The following EXT1 variants were observed in gnomAD, a reference collection of about 807,000 sequenced individuals.
EXT1 encodes exostosin glycosyltransferase 1.
EXT1 carries 20 observed loss-of-function variants against 82.5 expected under a neutral mutation model. The ratio of observed to expected loss-of-function variants is 0.24; its 90% confidence interval spans 0.17 to 0.35. The LOEUF is 0.35. Ranked by LOEUF, EXT1 falls within the 10% of genes least tolerant of loss-of-function variation. The pLI, the probability that EXT1 is intolerant of heterozygous loss-of-function variation, is 1.00. For synonymous variants in EXT1, 348 were observed against 350.8 expected, an observed-to-expected ratio of 0.99 and a Z score of 0.09; for missense variants, 757 against 936.5, an observed-to-expected ratio of 0.81 and a Z score of 2.50.
intron 1 of EXT1, among the ~76,000 whole-genome samples, chr8:117,875,776 T>C (rs1313268943): frequency 7.2e-5 from 11 of 152,080 alleles, no homozygotes; most frequent in African/African-American, 7.2e-5. Flanking sequence ...TGAAAAAACA[T>C]AGATCAGGCC....
chr8:118,049,477 T>C (rs866137204), intron 1 of EXT1, among the ~76,000 whole-genome samples: 7 of 152,132 alleles, frequency 4.6e-5, no homozygotes, highest in Non-Finnish European at 7.4e-5. Context: ...AGGTGGCTAA[T>C]AACACATGGA....
intron 1 of EXT1, among the ~76,000 whole-genome samples, chr8:118,021,681 T>C (rs553279989): frequency 6.6e-6 from 1 of 152,298 alleles, no homozygotes; most frequent in African/African-American, 2.4e-5. Flanking sequence ...GTTAGGGATA[T>C]TGTCTGAATG....
intron 1 of EXT1, among the ~76,000 whole-genome samples, chr8:117,866,620 C>A (rs992902542): frequency 1.3e-5 from 2 of 152,248 alleles, no homozygotes; most frequent in East Asian, 3.9e-4. Context: ...ATCAAAGTTA[C>A]GGAAACCTAG....
At chr8:117,991,295 T>C (rs1246595866) in intron 1 of EXT1, among the ~76,000 whole-genome samples, 9 of 151,976 alleles carry the variant, frequency 5.9e-5, no homozygotes, top group Admixed American at 5.9e-4. Flanking sequence ...ATTTGTGAAA[T>C]GCCATATAAA....
rs1006831019 is a variant in EXT1 at position 118,028,631 on chromosome 8, T to TA, written c.962+81453dup. 6.6e-5 allele frequency among the ~76,000 whole-genome samples: 10 copies of TA among 150,632 alleles called. No homozygotes were observed. The East Asian group carries it at 7.7e-4, about 12-fold the overall frequency. On this transcript the variant is annotated intron_variant, in intron 1 of 10. Coordinates refer to ENST00000378204, the MANE Select transcript of EXT1 (RefSeq NM_000127.3). ...CAATTATAAAAAGGAAAAAATAAAA[T>TA]AAAAAAAAAGTAAGCCAGCCGGGCG...
chr8:117,982,696 A>G (rs1377539604), intron 1 of EXT1, among the ~76,000 whole-genome samples: 1 of 152,090 alleles, frequency 6.6e-6, no homozygotes, highest in Non-Finnish European at 1.5e-5. Flanking sequence ...GGGTTTCACC[A>G]TGTTGGCCAG....
At position 118,028,700 on chromosome 8, in the gene EXT1, C is replaced by T. The variant is rs181332406; in HGVS notation, c.962+81385G>A. 7.2e-4 allele frequency among the ~76,000 whole-genome samples: 109 copies of T among 151,910 alleles called. No homozygotes were observed. The Middle Eastern group carries it at 0.014, about 19-fold the overall frequency. ...ATCCCAGCACTTTGGGAGGCTGAGG[C>T]GGAAGGAGCACCTGATGTCAGGAGT... On this transcript the variant is annotated intron_variant, in intron 1 of 10. Transcript: ENST00000378204.
intron 1 of EXT1, among the ~76,000 whole-genome samples, chr8:117,946,967 G>A (rs1814401689): frequency 6.6e-6 from 1 of 152,136 alleles, no homozygotes; most frequent in South Asian, 2.1e-4. Context: ...TATTTATGGG[G>A]CGGATTTTTG....
intron 1 of EXT1, among the ~76,000 whole-genome samples, chr8:117,952,767 G>A (rs1814515363): frequency 2.6e-5 from 4 of 151,314 alleles, no homozygotes; most frequent in African/African-American, 9.7e-5. Flanking sequence ...AAAAAAAAAA[G>A]TGGATGAGAA....
chr8:117,960,264 T>C (rs1394286276), intron 1 of EXT1, among the ~76,000 whole-genome samples: 1 of 152,166 alleles, frequency 6.6e-6, no homozygotes, highest in East Asian at 1.9e-4. Flanking sequence ...CAATAAAATA[T>C]ACAAAGTTGT....
At chr8:117,974,390 T>C (rs993138937) in intron 1 of EXT1, among the ~76,000 whole-genome samples, 3 of 152,132 alleles carry the variant, frequency 2.0e-5, no homozygotes, top group Non-Finnish European at 4.4e-5. Context: ...CCTCCATGCT[T>C]CCTCATCTGC....
chr8:117,830,497 T>C lies in EXT1; in HGVS notation c.1165-148A>G. On this transcript the variant is annotated intron_variant, in intron 3 of 10. Transcript: ENST00000378204. ...TACTAAAAATCATCAATTCCTAAGTTGAAATGACCTTAAGAAGTGTCAGCT... is the reference window on the plus strand; with the variant it reads ...TACTAAAAATCATCAATTCCTAAGTCGAAATGACCTTAAGAAGTGTCAGCT... The C allele has an allele frequency of 3.6e-6, 3 of 844,624 alleles. No individual in the cohort carries two copies. In the East Asian group the frequency reaches 8.0e-5, roughly 22 times the overall value. The allele number at this position is 844,624 out of a possible 1,614,324, so 52.3% of individuals were successfully genotyped here. A position where few individuals can be genotyped will look rare whatever the true frequency, so the allele number is the denominator to read the frequency against.
At chr8:118,011,985 C>CCAG (rs1309077706) in intron 1 of EXT1, among the ~76,000 whole-genome samples, 5 of 152,100 alleles carry the variant, frequency 3.3e-5, no homozygotes, top group Non-Finnish European at 7.4e-5. Flanking sequence ...GAAGGGGCTC[C>CCAG]CAGCAGCAGC....
chr8:117,992,478 GAT>G (rs1341039265), intron 1 of EXT1, among the ~76,000 whole-genome samples: 1 of 148,526 alleles, frequency 6.7e-6, no homozygotes, highest in Non-Finnish European at 1.5e-5. Context: ...CAAGCAGATG[GAT>G]ATAGGATACG....
chr8:118,067,264 C>T (rs1817007304), intron 1 of EXT1, among the ~76,000 whole-genome samples: 1 of 152,230 alleles, frequency 6.6e-6, no homozygotes, highest in South Asian at 2.1e-4. Flanking sequence ...AGACGTCTTC[C>T]TCCTGGAGTA....
chr8:118,091,972 G>T (rs1230602583), intron 1 of EXT1, among the ~76,000 whole-genome samples: 1 of 152,140 alleles, frequency 6.6e-6, no homozygotes, highest in African/African-American at 2.4e-5. Context: ...TCAGCACTGG[G>T]TTAAGTGCTG....
intron 1 of EXT1, among the ~76,000 whole-genome samples, chr8:117,937,537 A>G (rs1198886584): frequency 6.6e-6 from 1 of 152,254 alleles, no homozygotes; most frequent in African/African-American, 2.4e-5. Context: ...TGCTGCCTGA[A>G]TATAGTTGTC....
Position 117,822,521 on chromosome 8 carries a change from A to T in EXT1, c.1361T>A (p.Val454Glu). 1.2e-6 allele frequency: 2 copies of T among 1,613,478 alleles called. No individual in the cohort carries two copies. The change falls in exon 5 of 11, where the codon GTA becomes GAA. Residue 454 changes from valine to glutamate, a missense_variant. By Grantham distance (121) the Val-to-Glu change is moderately radical (BLOSUM62 -2). Around this residue, in one of 4 missense-constraint regions of EXT1, gnomAD observed 207 missense variants for 224.2 expected, o/e 0.92. Coordinates refer to ENST00000378204, the MANE Select transcript of EXT1 (RefSeq NM_000127.3). Reference sequence around the variant, plus strand: ...CAGATAAGATGAATACTGTGGTAGTACGAACAATCCTCCAGGATGTTTGTT... The same window carrying T: ...CAGATAAGATGAATACTGTGGTAGTTCGAACAATCCTCCAGGATGTTTGTT... Reference protein sequence around the residue: ...IWNKHPGGLFVLPQYSSYLGD... With the variant: ...IWNKHPGGLFELPQYSSYLGD...
intron 1 of EXT1, among the ~76,000 whole-genome samples, chr8:117,950,768 G>C (rs17504827): frequency 6.6e-6 from 1 of 152,172 alleles, no homozygotes; most frequent in Non-Finnish European, 1.5e-5. Context: ...TGTACACAAA[G>C]ATGTTATTCA....
Sources: allele counts gnomAD v4.1 joint callset (sites outside exome capture counted in the v4.1 genomes callset), GRCh38; gene constraint gnomAD v4.1.1; regional missense constraint gnomAD v4.1.1; transcripts MANE v1.5; gene names NCBI Gene and HGNC (gene_info 2026-07-23, HGNC 2026-07-21).